Variants in CRPPA observed in about 807,000 individuals in gnomAD.
The protein encoded by CRPPA is D-ribitol-5-phosphate cytidylyltransferase.
Under a neutral mutation model 52.0 loss-of-function variants are expected in CRPPA, and 43 were observed. The ratio of observed to expected loss-of-function variants is 0.83; its 90% CI spans 0.65 to 1.07. The LOEUF (loss-of-function observed/expected upper bound fraction) is 1.07, where lower values mean the gene tolerates loss of function less well. CRPPA is among the 50% of genes least tolerant of loss of function. The pLI, the probability that CRPPA is intolerant of heterozygous loss-of-function variation, is 0.00. For synonymous variants in CRPPA, 250 were observed against 203.5 expected, an observed-to-expected ratio of 1.23 and a Z score of -1.94; for missense variants, 629 against 551.7, an observed-to-expected ratio of 1.14 and a Z score of -1.40.
intron 9 of CRPPA, among the ~76,000 whole-genome samples, chr7:16,204,232 G>C (rs1421819131): frequency 6.6e-6 from 1 of 152,172 alleles, no homozygotes; most frequent in East Asian, 1.9e-4. Context: ...ATAAGCATCA[G>C]AAAACTATAT....
At chr7:16,391,967 C>A (rs1787457447) in intron 2 of CRPPA, among the ~76,000 whole-genome samples, 1 of 152,128 alleles carries the variant, frequency 6.6e-6, no homozygotes, top group Non-Finnish European at 1.5e-5. Context: ...AACCAAATCC[C>A]ACTCCCTCAG....
intron 8 of CRPPA, among the ~76,000 whole-genome samples, chr7:16,222,335 C>T (rs1782535626): frequency 6.9e-6 from 1 of 145,874 alleles, no homozygotes; most frequent in African/African-American, 2.5e-5. Context: ...GGGAGATATA[C>T]CTAATGCTAG....
chr7:16,249,287 A>G (rs1349096720), intron 8 of CRPPA, among the ~76,000 whole-genome samples: 1 of 152,160 alleles, frequency 6.6e-6, no homozygotes, highest in African/African-American at 2.4e-5. Context: ...GGGAAGGGGC[A>G]GCTGTGGGCG....
chr7:16,206,136 G>T (rs1354043477), intron 9 of CRPPA, among the ~76,000 whole-genome samples: 1 of 152,038 alleles, frequency 6.6e-6, no homozygotes. Flanking sequence ...ATTGTATGTG[G>T]CTTAAGATTT....
chr7:16,391,625 G>T (rs896152238), intron 2 of CRPPA, among the ~76,000 whole-genome samples: 3 of 152,026 alleles, frequency 2.0e-5, no homozygotes, highest in African/African-American at 7.2e-5. Flanking sequence ...TTTCCACTAG[G>T]AGCATTTTAA....
Position 16,091,056 on chromosome 7 carries a change from T to C in CRPPA, c.*639A>G, listed in dbSNP as rs1443057822. On this transcript the variant is annotated 3_prime_UTR_variant, in exon 10 of 10. Transcript: ENST00000407010. ...TTTAAAATAATGTAAGTCATAATTA[T>C]AGTTCATAAACCAAAAATAACATAC... The C allele has an allele frequency of 2.0e-5, 3 of 152,208 alleles. No homozygotes were observed. Among genetic ancestry groups the C allele is most frequent in the African/African-American group, 4.8e-5 (2 of 41,456 alleles). 9.4% of individuals were successfully genotyped at this position (152,208 alleles called of 1,614,324 possible).
chr7:16,412,867 A>T (rs1038335878), intron 1 of CRPPA, among the ~76,000 whole-genome samples: 5 of 152,230 alleles, frequency 3.3e-5, no homozygotes, highest in Non-Finnish European at 5.9e-5. Context: ...TTGAGGAAGA[A>T]ATATAATAAC....
intron 9 of CRPPA, among the ~76,000 whole-genome samples, chr7:16,186,731 C>T (rs1427499569): frequency 2.0e-5 from 3 of 152,080 alleles, no homozygotes; most frequent in Non-Finnish European, 4.4e-5. Flanking sequence ...TAGTTTGAGT[C>T]CTGATTTTTT....
chr7:16,168,585 C>G (rs1351827605), intron 9 of CRPPA, among the ~76,000 whole-genome samples: 1 of 148,470 alleles, frequency 6.7e-6, no homozygotes, highest in Non-Finnish European at 1.5e-5. Context: ...ACACCATTAA[C>G]ATACCATTGA....
In CRPPA at chr7:16,353,294, G is replaced by C. The variant is rs577362387; in HGVS notation, c.684+22798C>G. The stretch of plus-strand genomic sequence containing the variant: ...CTTGAGCCCAGGAGTAGAGGGTGCA[G>C]TGAGCTATGACTGAGCCACTGTACT... On this transcript the variant is annotated intron_variant, in intron 3 of 9. Coordinates refer to ENST00000407010, the MANE Select transcript of CRPPA (RefSeq NM_001101426.4). Among the ~76,000 whole-genome samples, 239 of 152,228 alleles carry C rather than the reference G, an allele frequency of 1.6e-3. 1 individual carries two copies. Among genetic ancestry groups the C allele is most frequent in the African/African-American group, 5.5e-3 (229 of 41,552 alleles).
intron 2 of CRPPA, among the ~76,000 whole-genome samples, chr7:16,393,918 TA>T (rs1393973449): frequency 2.0e-5 from 3 of 152,088 alleles, no homozygotes; most frequent in Non-Finnish European, 4.4e-5. Context: ...TAAGAATATT[TA>T]AAGCCTATAA....
chr7:16,240,572 T>TACACACAC (rs71549978), intron 8 of CRPPA, among the ~76,000 whole-genome samples: 40,493 of 147,910 alleles, frequency 0.27, 5,322 homozygotes, highest in East Asian at 0.34. Context: ...TTATTACACA[T>TACACACAC]ACACACACAC....
In CRPPA at chr7:16,214,090, T is replaced by C. The variant is rs998715987; in HGVS notation, c.1251+1976A>G. ...TACATTTAAGCTATCTACAAAGAGG[T>C]TATTTTAAGTGATAAATTTTCTTTT... is the stretch of plus-strand genomic sequence containing the variant. On this transcript the variant is annotated intron_variant, in intron 9 of 9. Transcript: ENST00000407010. Among the ~76,000 whole-genome samples, 5 of 152,298 alleles carry C rather than the reference T, an allele frequency of 3.3e-5. No individual in the cohort carries two copies. In the East Asian group the frequency reaches 7.7e-4, roughly 24 times the overall value.
chr7:16,232,855 G>A (rs983655713), intron 8 of CRPPA, among the ~76,000 whole-genome samples: 4 of 151,980 alleles, frequency 2.6e-5, no homozygotes, highest in African/African-American at 9.7e-5. Flanking sequence ...AGAAAATATG[G>A]CCGATTATGA....
intron 9 of CRPPA, among the ~76,000 whole-genome samples, chr7:16,128,677 C>A (rs2128372148): frequency 6.6e-6 from 1 of 152,228 alleles, no homozygotes; most frequent in Non-Finnish European, 1.5e-5. Context: ...ATCATCCATA[C>A]CATTTCCAAG....
At position 16,421,222 on chromosome 7, in the gene CRPPA, C is replaced by A; in HGVS notation, c.101G>T (p.Ser34Ile). ...GCGCCCGGGCTCGGTCCCGGCCACG[C>A]TCTGCAGGGAGGCGGAAGCCGTGTG... is the stretch of plus-strand genomic sequence containing the variant. ...ADHTASASLQ[S>I]VAGTEPGRHP... The change falls in exon 1 of 10, where the codon AGC becomes ATC. Residue 34 changes from serine to isoleucine, a missense_variant. Physicochemically the swap from Ser to Ile is moderately radical, Grantham distance 142 (BLOSUM62 -2). Transcript: ENST00000407010. 7.5e-7 allele frequency: 1 copy of A among 1,339,608 alleles called. No individual in the cohort carries two copies. Among genetic ancestry groups the A allele is most frequent in the Non-Finnish European group, 9.6e-7 (1 of 1,038,308 alleles). The allele number at this position is 1,339,608 out of a possible 1,614,324, so 83.0% of individuals were successfully genotyped here.
At chr7:16,178,286 T>C (rs774594084) in intron 9 of CRPPA, among the ~76,000 whole-genome samples, 1 of 152,088 alleles carries the variant, frequency 6.6e-6, no homozygotes, top group Non-Finnish European at 1.5e-5. Flanking sequence ...GCAATTACTG[T>C]GATTCATCTG....
chr7:16,270,347 T>C (rs1784063219), intron 6 of CRPPA: 2 of 152,156 alleles, frequency 1.3e-5, no homozygotes, highest in Admixed American at 6.6e-5. Flanking sequence ...ATTAAAAAGA[T>C]GAAGATATGT....
chr7:16,254,846 A>AAAGAAAGAAAGG (rs1354126469), intron 8 of CRPPA, among the ~76,000 whole-genome samples: 5 of 138,508 alleles, frequency 3.6e-5, no homozygotes, highest in Non-Finnish European at 7.9e-5. Context: ...AGAAAGAAAG[A>AAAGAAAGAAAGG]GAAAGAAGAA....
Sources: gnomAD v4.1 joint callset for allele counts (sites outside exome capture counted in the v4.1 genomes callset) on GRCh38, gnomAD v4.1.1 for gene constraint, MANE v1.5 for transcripts, NCBI Gene and HGNC (gene_info 2026-07-23, HGNC 2026-07-21) for gene names.